PGD: variants seen among roughly 807,000 people sequenced by gnomAD.
PGD encodes phosphogluconate dehydrogenase, also known as 6-phosphogluconate dehydrogenase, decarboxylating.
PGD carries 21 observed loss-of-function variants against 60.4 expected under a neutral mutation model. The ratio of observed to expected loss-of-function variants is 0.35; its 90% CI spans 0.25 to 0.50. PGD has a LOEUF of 0.50. PGD is among the 20% of genes least tolerant of loss of function. The pLI, the probability that PGD is intolerant of heterozygous loss-of-function variation, is 0.98. For missense variants in PGD, 477 were observed against 613.1 expected (o/e 0.78, Z 2.34); for synonymous variants, 230 against 235.9 (o/e 0.97, Z 0.23).
intron 6 of PGD, among the ~76,000 whole-genome samples, chr1:10,409,579 CAG>C (rs1201999471): frequency 6.8e-6 from 1 of 146,608 alleles, no homozygotes; most frequent in Non-Finnish European, 1.5e-5. Context: ...GCCTGGGTAA[CAG>C]AGAGAGACCC....
At chr1:10,416,966 C>T (rs754152990) in intron 8 of PGD, 21 bp from the exon 9 acceptor site, 2 of 1,611,146 alleles carry the variant, frequency 1.2e-6, no homozygotes, top group Non-Finnish European at 1.7e-6. Context: ...TCTGTTTCCT[C>T]TTCCCGATCT....
At chr1:10,419,589 G>A (rs778193523) in intron 12 of PGD, 41 bp from the exon 13 acceptor site, 20 of 1,613,950 alleles carry the variant, frequency 1.2e-5, no homozygotes, top group Middle Eastern at 1.6e-4. Context: ...GGGGGCGTGC[G>A]CCATGGACTG....
Position 10,419,398 on chromosome 1 carries a change from C to G in PGD, c.1210-19C>G. 6.2e-7 allele frequency: 1 copy of G among 1,607,782 alleles called. No homozygotes were observed. The highest frequency in any genetic ancestry group is 8.5e-7 in the Non-Finnish European group (1 of 1,178,002). On this transcript the variant is annotated intron_variant, in intron 11 of 12. Coordinates refer to ENST00000270776, the MANE Select transcript of PGD (RefSeq NM_002631.4). Reference sequence around the variant, plus strand: ...CCAGGGGCAGATCACTAATCTCTGGCCGTGCGTTTTGTGCTCAGGACTCCT... The same window carrying G: ...CCAGGGGCAGATCACTAATCTCTGGGCGTGCGTTTTGTGCTCAGGACTCCT...
chr1:10,408,468 C>T (rs948582302), intron 6 of PGD, among the ~76,000 whole-genome samples: 8 of 152,138 alleles, frequency 5.3e-5, no homozygotes, highest in Non-Finnish European at 8.8e-5. Flanking sequence ...GAAAGAATGT[C>T]AGAATCAAAA....
chr1:10,417,606 G>A (rs1238161579), intron 10 of PGD, 97 bp downstream of exon 10: 1 of 1,263,394 alleles, frequency 7.9e-7, no homozygotes, highest in Non-Finnish European at 1.1e-6. Flanking sequence ...TTCCAGGGAT[G>A]GGCACTTAGC....
intron 8 of PGD, chr1:10,415,196 C>T (rs1490520169): frequency 1.3e-5 from 2 of 152,184 alleles, no homozygotes; most frequent in Non-Finnish European, 2.9e-5. Flanking sequence ...CCCCTTTTGA[C>T]CTCCCTGTTC....
In PGD at chr1:10,418,806, T is replaced by A. The variant is rs748427914; in HGVS notation, c.1110-20T>A. 1 of 1,405,766 alleles carries A rather than the reference T, an allele frequency of 7.1e-7. No individual in the cohort carries two copies. The highest frequency in any genetic ancestry group is 1.4e-5 in the African/African-American group (1 of 69,018). The allele number at this position is 1,405,766 out of a possible 1,614,324, so 87.1% of individuals were successfully genotyped here. ...AAAAAAAAAAGACTCATTGCTTTTT[T>A]CCCCCCTTGATTATTTCAGTGTATT... is the stretch of plus-strand genomic sequence containing the variant. On this transcript the variant is annotated intron_variant, in intron 10 of 12. Coordinates refer to ENST00000270776, the MANE Select transcript of PGD (RefSeq NM_002631.4).
Position 10,419,860 on chromosome 1 carries a change from G to A in PGD, c.*111G>A. ...ATTTTCTGTTCAGTTTTTTAAAAGT[G>A]TTGTAAGAGACTCCTGAGGAAGACA... On this transcript the variant is annotated 3_prime_UTR_variant, in exon 13 of 13. Transcript: ENST00000270776. The A allele has an allele frequency of 1.5e-6, 2 of 1,290,472 alleles. No individual in the cohort carries two copies. Among genetic ancestry groups the A allele is most frequent in the South Asian group, 1.3e-5 (1 of 75,524 alleles). The allele number at this position is 1,290,472 out of a possible 1,614,324, so 79.9% of individuals were successfully genotyped here.
chr1:10,417,520 G>T lies in PGD; in HGVS notation c.1109+11G>T. On this transcript the variant is annotated intron_variant, in intron 10 of 12. Transcript: ENST00000270776. ...CTGCATCATTAGAAGGTAAGTGAGA[G>T]GCAGCCCAGGGTCCGACGGGAAGGA... 8 of 1,603,880 alleles carry T rather than the reference G, an allele frequency of 5.0e-6. No homozygotes were observed. The highest frequency in any genetic ancestry group is 6.8e-6 in the Non-Finnish European group (8 of 1,174,664).
chr1:10,419,333 A>G (rs1012287715), intron 11 of PGD, 84 bp from the exon 12 acceptor site: 2 of 1,536,712 alleles, frequency 1.3e-6, no homozygotes, highest in African/African-American at 2.7e-5. Context: ...TCAGTTTTTC[A>G]TTTACCCACA....
chr1:10,405,393 AC>A (rs201138914), intron 5 of PGD, among the ~76,000 whole-genome samples: 2 of 76,260 alleles, frequency 2.6e-5, no homozygotes, highest in Non-Finnish European at 5.6e-5. Context: ...AACAAAACAA[AC>A]AAAAAATACA....
intron 11 of PGD, 26 bp from the exon 12 acceptor site, chr1:10,419,391 T>G (rs199664355): frequency 6.2e-7 from 1 of 1,606,050 alleles, no homozygotes; most frequent in East Asian, 2.2e-5. Flanking sequence ...AGATCACTAA[T>G]CTCTGGCCGT....
chr1:10,399,745 G>A (rs1277053704), intron 2 of PGD, 41 bp downstream of exon 2: 19 of 1,585,774 alleles, frequency 1.2e-5, no homozygotes, highest in Non-Finnish European at 1.6e-5. Context: ...TGGTTCCCGG[G>A]CGCTTTAGCC....
At chr1:10,400,348 T>C (rs1242893577) in intron 2 of PGD, 45 bp from the exon 3 acceptor site, 1 of 1,434,762 alleles carries the variant, frequency 7.0e-7, no homozygotes, top group South Asian at 1.2e-5. Context: ...AGTCTGAAAG[T>C]CTTGTGTGTC....
At chr1:10,417,250 C>T (rs904747409) in intron 9 of PGD, 126 bp from the exon 10 acceptor site, 3 of 1,434,654 alleles carry the variant, frequency 2.1e-6, no homozygotes, top group African/African-American at 2.8e-5. Context: ...TGGATCTTGA[C>T]TTACAATGTT....
At chr1:10,414,074 A>G (rs1639552216) in intron 8 of PGD, among the ~76,000 whole-genome samples, 1 of 152,222 alleles carries the variant, frequency 6.6e-6, no homozygotes, top group African/African-American at 2.4e-5. Context: ...AAAGTTTGCG[A>G]ATAACATATG....
chr1:10,405,854 ATTC>A (rs974804650), intron 5 of PGD, among the ~76,000 whole-genome samples: 1 of 151,942 alleles, frequency 6.6e-6, no homozygotes, highest in Non-Finnish European at 1.5e-5. Context: ...AGAAAAAATG[ATTC>A]TTTTTTTGAG....
intron 6 of PGD, among the ~76,000 whole-genome samples, chr1:10,409,703 T>C (rs1376559037): frequency 7.5e-6 from 1 of 132,986 alleles, no homozygotes; most frequent in Non-Finnish European, 1.5e-5. Context: ...TCGTCCAGGC[T>C]GGAGTGCAGT....
chr1:10,419,043 C>T, intron 11 of PGD, 118 bp downstream of exon 11: 1 of 655,830 alleles, frequency 1.5e-6, no homozygotes, highest in Non-Finnish European at 2.7e-6. Flanking sequence ...GAGTCTCGCT[C>T]TGTCACCCAG....
Sources: gnomAD v4.1 joint callset for allele counts (sites outside exome capture counted in the v4.1 genomes callset) on GRCh38, gnomAD v4.1.1 for gene constraint, MANE v1.5 for transcripts, NCBI Gene and HGNC (gene_info 2026-07-23, HGNC 2026-07-21) for gene names.